The following PATL1 variants were observed in gnomAD, a reference collection of about 807,000 sequenced individuals.
PATL1 encodes the protein PAT1 homolog 1, processing body mRNA decay factor, also known as protein PAT1 homolog 1.
Under a neutral mutation model 100.6 loss-of-function variants are expected in PATL1, and 32 were observed. That is an observed-to-expected ratio of 0.32 (90% CI 0.24 to 0.43). The LOEUF is 0.43. Ranked by LOEUF, PATL1 falls within the 20% of genes least tolerant of loss-of-function variation. The pLI, the probability that PATL1 is intolerant of heterozygous loss-of-function variation, is 1.00. For synonymous variants in PATL1, 332 were observed against 330.0 expected, an observed-to-expected ratio of 1.01 and a Z score of -0.07; for missense variants, 747 against 949.9, an observed-to-expected ratio of 0.79 and a Z score of 2.81.
chr11:59,657,454 C>G, intron 5 of PATL1, 76 bp downstream of exon 5: 1 of 1,331,562 alleles, frequency 7.5e-7, no homozygotes, highest in Non-Finnish European at 1.0e-6. Flanking sequence ...ACCCTCCACC[C>G]AACATCACCA....
intron 8 of PATL1, among the ~76,000 whole-genome samples, chr11:59,654,798 G>A (rs1861502349): frequency 6.6e-6 from 1 of 152,134 alleles, no homozygotes; most frequent in Non-Finnish European, 1.5e-5. Flanking sequence ...TGCTGTGAGG[G>A]TATTTTGTAA....
intron 2 of PATL1, 134 bp downstream of exon 2, chr11:59,666,719 A>T: frequency 1.0e-6 from 1 of 955,986 alleles, no homozygotes; most frequent in Non-Finnish European, 1.5e-6. Flanking sequence ...AACTATTCTA[A>T]GATGAGGAAT....
chr11:59,668,600 C>A (rs1326039701), intron 1 of PATL1, among the ~76,000 whole-genome samples: 1 of 109,652 alleles, frequency 9.1e-6, no homozygotes, highest in Non-Finnish European at 1.9e-5. Flanking sequence ...GGGGTGGGGG[C>A]GGGGGTGTGG....
At chr11:59,657,216 TC>T in intron 5 of PATL1, 5 of 825,228 alleles carry the variant, frequency 6.1e-6, no homozygotes, top group Non-Finnish European at 5.8e-6. Flanking sequence ...GTGTTCCCAC[TC>T]CCCCCGGCTT....
In PATL1 at chr11:59,659,290, C is replaced by G. The variant is rs1008189016; in HGVS notation, c.307G>C (p.Ala103Pro). The change falls in exon 3 of 19, where the codon GCT (alanine) becomes CCT (proline). Residue 103 changes from alanine (A) to proline (P), a missense_variant. Around this residue, in one of 4 missense-constraint regions of PATL1, gnomAD observed 183 missense variants for 221.2 expected, o/e 0.83. Transcript: ENST00000300146. ...CTGGTCTGCACTGCCCTCATAATAG[C>G]TGGATCTTCTAGTTCATTTTCAATC... ...MVIENELEDP[A>P]IMRAVQTRPV... The G allele has an allele frequency of 3.9e-6, 6 of 1,551,320 alleles. No individual in the cohort carries two copies. In the African/African-American group the frequency reaches 8.2e-5, roughly 21 times the overall value.
At chr11:59,666,793 G>C in intron 2 of PATL1, 60 bp downstream of exon 2, 1 of 1,498,482 alleles carries the variant, frequency 6.7e-7, no homozygotes, top group Non-Finnish European at 9.0e-7. Context: ...ACTTCTAAAA[G>C]ACAGCACTTG....
At chr11:59,645,386 C>A (rs527981885) in intron 15 of PATL1, among the ~76,000 whole-genome samples, 8 of 145,892 alleles carry the variant, frequency 5.5e-5, no homozygotes, top group South Asian at 2.2e-4. Flanking sequence ...ACTTCCCCCC[C>A]CATCCACTTT....
In PATL1 at chr11:59,638,265, C is replaced by T; in HGVS notation, c.*125G>A. The T allele has an allele frequency of 8.6e-6, 8 of 931,488 alleles. No homozygotes were observed. The highest frequency in any genetic ancestry group is 2.6e-5 in the East Asian group (1 of 38,252). 57.7% of individuals were successfully genotyped at this position (931,488 alleles called of 1,614,324 possible). A position where few individuals can be genotyped will look rare whatever the true frequency, so the allele number is the denominator to read the frequency against. On this transcript the variant is annotated 3_prime_UTR_variant, in exon 19 of 19. Coordinates refer to ENST00000300146, the MANE Select transcript of PATL1 (RefSeq NM_152716.3). ...AGAGACAACCCCTGTAAACAGGAAT[C>T]GATCCCACAAGACTTTGCTTTGGGG...
intron 15 of PATL1, among the ~76,000 whole-genome samples, chr11:59,644,909 T>TA (rs1554983880): frequency 0.062 from 6,876 of 111,326 alleles, 482 homozygotes; most frequent in African/African-American, 0.14. Flanking sequence ...TTTTTTTTTT[T>TA]AAAAAAAAAA....
chr11:59,655,909 A>G, intron 7 of PATL1, 47 bp downstream of exon 7: 1 of 1,455,142 alleles, frequency 6.9e-7, no homozygotes, highest in Non-Finnish European at 9.5e-7. Flanking sequence ...AATGAACTTT[A>G]GGAAAGTAGG....
At chr11:59,648,188 T>TC (rs1590697012) in intron 14 of PATL1, among the ~76,000 whole-genome samples, 1 of 148,454 alleles carries the variant, frequency 6.7e-6, no homozygotes, top group African/African-American at 2.5e-5. Flanking sequence ...TTTTTTTCTT[T>TC]TTTTTTTTTT....
chr11:59,653,071 TAAC>T lies in PATL1; in HGVS notation c.1122-56_1122-54del. ...ATGTGGGCAAATTAATTACGCTTTT[TAAC>T]AACAGAGGAATAAACCAGGCCAGTT... On this transcript the variant is annotated intron_variant, in intron 9 of 18. Coordinates refer to ENST00000300146, the MANE Select transcript of PATL1 (RefSeq NM_152716.3). 2.7e-6 allele frequency: 4 copies of T among 1,474,618 alleles called. No individual in the cohort carries two copies. The South Asian group carries it at 5.3e-5, about 20-fold the overall frequency. 91.3% of individuals were successfully genotyped at this position (1,474,618 alleles called of 1,614,324 possible).
intron 18 of PATL1, 128 bp downstream of exon 18, chr11:59,638,920 T>G: frequency 1.9e-6 from 2 of 1,056,474 alleles, no homozygotes; most frequent in Non-Finnish European, 2.7e-6. Flanking sequence ...TGGCCTCAAG[T>G]GATCCACCCT....
chr11:59,653,994 T>C lies in PATL1; in HGVS notation c.1110A>G (p.Gln370=), dbSNP rs753301733. Residue 370 remains glutamine, a synonymous_variant, in exon 9 of 19, where the codon CAA becomes CAG. Transcript: ENST00000300146. ...QHRRLLHQRQ[Q]QNRSQHRNLN... ...GGATGAGTACTTACCTTCTATTCTG[T>C]TGCTGTCTCTGATGCAAGAGTCGAC... The C allele has an allele frequency of 6.2e-6, 10 of 1,611,674 alleles. No homozygotes were observed. In the East Asian group the frequency reaches 2.0e-4, roughly 32 times the overall value.
intron 16 of PATL1, among the ~76,000 whole-genome samples, chr11:59,641,592 A>C (rs1861280217): frequency 6.6e-6 from 1 of 151,960 alleles, no homozygotes; most frequent in South Asian, 2.1e-4. Flanking sequence ...ACCTCTACAA[A>C]AAATACACAA....
intron 2 of PATL1, among the ~76,000 whole-genome samples, chr11:59,661,706 C>G (rs2134759700): frequency 6.6e-6 from 1 of 152,278 alleles, no homozygotes; most frequent in Non-Finnish European, 1.5e-5. Flanking sequence ...TGAAAGTTCC[C>G]CACAATTCCA....
At chr11:59,645,107 A>G (rs1214169689) in intron 15 of PATL1, among the ~76,000 whole-genome samples, 1 of 141,714 alleles carries the variant, frequency 7.1e-6, no homozygotes, top group Non-Finnish European at 1.5e-5. Flanking sequence ...GTAAGGTCAC[A>G]GATCAACAGG....
intron 8 of PATL1, among the ~76,000 whole-genome samples, chr11:59,654,516 T>C (rs1407328434): frequency 6.6e-6 from 1 of 150,394 alleles, no homozygotes; most frequent in Non-Finnish European, 1.5e-5. Context: ...AAAGAGTCTA[T>C]TCTAAGGAGA....
In PATL1 at chr11:59,647,868, C is replaced by T. The variant is rs1451744592; in HGVS notation, c.1779G>A (p.Gly593=). The part of the protein sequence containing the change: ...HFVQIMCIRK[G]KRMVARILPF... ...GAAGAATACGGGCAACCATTCTCTTCCCTTTTCGGATACACATGATCTGTA... is the reference window on the plus strand; with the variant it reads ...GAAGAATACGGGCAACCATTCTCTTTCCTTTTCGGATACACATGATCTGTA... Residue 593 remains glycine, a synonymous_variant, in exon 15 of 19, where the codon GGG becomes GGA. Transcript: ENST00000300146. The T allele has an allele frequency of 3.1e-6, 5 of 1,613,920 alleles. No homozygotes were observed. The highest frequency in any genetic ancestry group is 4.2e-6 in the Non-Finnish European group (5 of 1,179,862).
Sources: allele counts gnomAD v4.1 joint callset (sites outside exome capture counted in the v4.1 genomes callset), GRCh38; gene constraint gnomAD v4.1.1; regional missense constraint gnomAD v4.1.1; transcripts MANE v1.5; gene names NCBI Gene and HGNC (gene_info 2026-07-23, HGNC 2026-07-21).